The following CTNNBL1 variants were observed in gnomAD, a reference collection of about 807,000 sequenced individuals.
CTNNBL1 encodes beta-catenin-like protein 1.
CTNNBL1 carries 31 observed loss-of-function variants against 72.7 expected under a neutral mutation model. The observed-to-expected ratio is 0.43, with a 90% CI of 0.32 to 0.58. The LOEUF (loss-of-function observed/expected upper bound fraction) is 0.58, where lower values mean the gene tolerates loss of function less well. Among genes scored for constraint, CTNNBL1 ranks in the 20% least tolerant of loss-of-function variants. CTNNBL1 has a pLI of 0.08. For synonymous variants in CTNNBL1, 240 were observed against 267.3 expected (o/e 0.90, Z 1.00); for missense variants, 534 against 725.1 (o/e 0.74, Z 3.03).
chr20:37,815,949 A>G (rs2072054239), intron 11 of CTNNBL1, among the ~76,000 whole-genome samples: 1 of 152,182 alleles, frequency 6.6e-6, no homozygotes, highest in African/African-American at 2.4e-5. Context: ...TGTGATTTTT[A>G]TACGCAGCAG....
intron 13 of CTNNBL1, among the ~76,000 whole-genome samples, chr20:37,859,194 TAAA>T (rs1224828848): frequency 2.0e-5 from 3 of 151,776 alleles, no homozygotes; most frequent in Admixed American, 2.0e-4. Context: ...TTGTCTCTAC[TAAA>T]AATACAAAAA....
At chr20:37,778,742 A>C (rs1409585253) in intron 9 of CTNNBL1, among the ~76,000 whole-genome samples, 27 of 152,034 alleles carry the variant, frequency 1.8e-4, no homozygotes, top group Admixed American at 1.8e-3. Flanking sequence ...AAGAAATGAG[A>C]TATGGTTGGG....
chr20:37,840,858 C>T (rs1482453348), intron 12 of CTNNBL1, among the ~76,000 whole-genome samples: 2 of 144,646 alleles, frequency 1.4e-5, no homozygotes, highest in Admixed American at 7.0e-5. Flanking sequence ...TTAGATGGAT[C>T]GGGCTATGGA....
At chr20:37,781,918 T>G (rs1177129602) in intron 10 of CTNNBL1, among the ~76,000 whole-genome samples, 1 of 152,174 alleles carries the variant, frequency 6.6e-6, no homozygotes, top group Non-Finnish European at 1.5e-5. Context: ...CTGGGACTTG[T>G]AAGTGTGGGT....
At chr20:37,779,698 C>G (rs558936252) in intron 10 of CTNNBL1, among the ~76,000 whole-genome samples, 6 of 152,050 alleles carry the variant, frequency 3.9e-5, no homozygotes, top group Non-Finnish European at 8.8e-5. Flanking sequence ...ATCACATAGA[C>G]CTATCTATGC....
chr20:37,841,752 G>T (rs909327656), intron 12 of CTNNBL1, among the ~76,000 whole-genome samples: 9 of 152,190 alleles, frequency 5.9e-5, no homozygotes, highest in African/African-American at 1.7e-4. Flanking sequence ...CATGTTTGAA[G>T]CATGACTTTG....
intron 11 of CTNNBL1, among the ~76,000 whole-genome samples, chr20:37,825,623 C>T (rs1490220848): frequency 1.3e-5 from 2 of 152,014 alleles, no homozygotes; most frequent in African/African-American, 2.4e-5. Flanking sequence ...TGCAGGGAGC[C>T]GAGATCGTGC....
At chr20:37,713,243 G>A (rs1002743714) in intron 1 of CTNNBL1, among the ~76,000 whole-genome samples, 1 of 152,130 alleles carries the variant, frequency 6.6e-6, no homozygotes, top group African/African-American at 2.4e-5. Flanking sequence ...GGTTGCGTGG[G>A]GATTCCATAA....
Position 37,757,584 on chromosome 20 carries a change from G to T in CTNNBL1, c.492G>T (p.Leu164Phe), listed in dbSNP as rs758303006. The change falls in exon 5 of 16, where the codon TTG becomes TTT. Residue 164 changes from leucine (L) to phenylalanine (F), a missense_variant. Physicochemically the swap from Leu to Phe is conservative, Grantham distance 22. Coordinates refer to ENST00000361383, the MANE Select transcript of CTNNBL1 (RefSeq NM_030877.5). ...ATGTGTCCATAGCTGTGGTCGATTTGCTTCAGGAATTAACAGATATAGACA... is the reference window on the plus strand; with the variant it reads ...ATGTGTCCATAGCTGTGGTCGATTTTCTTCAGGAATTAACAGATATAGACA... ...NTDVSIAVVD[L>F]LQELTDIDTL... The T allele has an allele frequency of 6.2e-7, 1 of 1,613,844 alleles. No individual in the cohort carries two copies. Among genetic ancestry groups the T allele is most frequent in the South Asian group, 1.1e-5 (1 of 91,072 alleles).
chr20:37,694,488 C>T (rs534579700), intron 1 of CTNNBL1, among the ~76,000 whole-genome samples: 1 of 152,214 alleles, frequency 6.6e-6, no homozygotes, highest in East Asian at 1.9e-4. Context: ...ATGGTGGTGG[C>T]GGCGGTGGGA....
At chr20:37,802,573 C>T (rs993379468) in intron 10 of CTNNBL1, among the ~76,000 whole-genome samples, 3 of 152,074 alleles carry the variant, frequency 2.0e-5, no homozygotes, top group African/African-American at 4.8e-5. Flanking sequence ...CTCAACACCC[C>T]GAAATAATCT....
chr20:37,849,862 C>A (rs1291638548), intron 13 of CTNNBL1, among the ~76,000 whole-genome samples: 1 of 152,256 alleles, frequency 6.6e-6, no homozygotes, highest in Non-Finnish European at 1.5e-5. Flanking sequence ...GTTTCTTCAT[C>A]AGTGAAAGGA....
At chr20:37,697,627 C>T (rs993818839) in intron 1 of CTNNBL1, among the ~76,000 whole-genome samples, 2 of 152,134 alleles carry the variant, frequency 1.3e-5, no homozygotes, top group East Asian at 1.9e-4. Context: ...TTCATTCAAC[C>T]CACTTGTTCA....
chr20:37,859,952 C>T lies in CTNNBL1; in HGVS notation c.1446C>T (p.Tyr482=). The change falls in exon 14 of 16, where the codon TAC becomes TAT. Residue 482 remains tyrosine (Y), a synonymous_variant. Coordinates refer to ENST00000361383, the MANE Select transcript of CTNNBL1 (RefSeq NM_030877.5). ...ACAATGACACCGAGGAGGAGTTCTACCTCCGGCGCCTGGATGCGGGGCTCT... is the reference window on the plus strand; with the variant it reads ...ACAATGACACCGAGGAGGAGTTCTATCTCCGGCGCCTGGATGCGGGGCTCT... ...IIDNDTEEEF[Y]LRRLDAGLFV... is the part of the protein sequence containing the mutation. The T allele has an allele frequency of 6.2e-7, 1 of 1,614,178 alleles. No homozygotes were observed. The highest frequency in any genetic ancestry group is 8.5e-7 in the Non-Finnish European group (1 of 1,180,024).
chr20:37,835,735 C>T (rs531335803), intron 11 of CTNNBL1, among the ~76,000 whole-genome samples: 1 of 152,186 alleles, frequency 6.6e-6, no homozygotes, highest in South Asian at 2.1e-4. Context: ...AATAAAATAA[C>T]GCAAAACTGG....
At chr20:37,863,859 A>G (rs545462139) in intron 15 of CTNNBL1, among the ~76,000 whole-genome samples, 1 of 152,286 alleles carries the variant, frequency 6.6e-6, no homozygotes, top group Admixed American at 6.5e-5. Flanking sequence ...AGAGGCCCCA[A>G]ACATCACGCT....
intron 1 of CTNNBL1, among the ~76,000 whole-genome samples, chr20:37,712,653 GAAC>G (rs2072948860): frequency 6.6e-6 from 1 of 152,210 alleles, no homozygotes; most frequent in Non-Finnish European, 1.5e-5. Context: ...AACTTAAAAA[GAAC>G]TGTTCCTAAT....
chr20:37,849,243 A>G (rs150208450), intron 13 of CTNNBL1, among the ~76,000 whole-genome samples: 1 of 152,320 alleles, frequency 6.6e-6, no homozygotes, highest in East Asian at 1.9e-4. Context: ...TTTTCTACAC[A>G]GCAACCAGAG....
intron 11 of CTNNBL1, among the ~76,000 whole-genome samples, chr20:37,819,335 A>T (rs1163377415): frequency 6.6e-6 from 1 of 152,200 alleles, no homozygotes. Flanking sequence ...TAGGTTATTC[A>T]TCACAATATT....
Sources: allele counts gnomAD v4.1 joint callset (sites outside exome capture counted in the v4.1 genomes callset), GRCh38; gene constraint gnomAD v4.1.1; transcripts MANE v1.5; gene names NCBI Gene and HGNC (gene_info 2026-07-23, HGNC 2026-07-21).